The following FAM219A variants were observed in gnomAD, a reference collection of about 807,000 sequenced individuals.
The protein encoded by FAM219A is protein FAM219A.
A neutral mutation model predicts 23.4 loss-of-function variants in FAM219A; 7 were observed. The observed-to-expected ratio is 0.30, with a 90% CI of 0.17 to 0.56. The LOEUF is 0.56. Among genes scored for constraint, FAM219A ranks in the 20% least tolerant of loss-of-function variants. The pLI, the probability that FAM219A is intolerant of heterozygous loss-of-function variation, is 0.92. For synonymous variants in FAM219A, 93 were observed against 99.0 expected, an observed-to-expected ratio of 0.94 and a Z score of 0.36; for missense variants, 166 against 246.9, an observed-to-expected ratio of 0.67 and a Z score of 2.20.
At chr9:34,451,969 T>C (rs1823576659) in intron 1 of FAM219A, among the ~76,000 whole-genome samples, 1 of 152,038 alleles carries the variant, frequency 6.6e-6, no homozygotes, top group African/African-American at 2.4e-5. Flanking sequence ...CCCAGCTCAA[T>C]CAGTCAGAAA....
chr9:34,421,044 G>C (rs7043182), intron 1 of FAM219A, among the ~76,000 whole-genome samples: 512 of 146,784 alleles, frequency 3.5e-3, no homozygotes, highest in African/African-American at 7.8e-3. Flanking sequence ...GAGAGAGAGA[G>C]AATGGCTCTG....
At chr9:34,431,157 A>G (rs1182824910) in intron 1 of FAM219A, among the ~76,000 whole-genome samples, 2 of 152,206 alleles carry the variant, frequency 1.3e-5, no homozygotes, top group Non-Finnish European at 2.9e-5. Flanking sequence ...CCAGCAGCCT[A>G]GCTGCCTGGC....
chr9:34,441,981 C>T (rs1823191490), intron 1 of FAM219A, among the ~76,000 whole-genome samples: 1 of 152,156 alleles, frequency 6.6e-6, no homozygotes, highest in South Asian at 2.1e-4. Flanking sequence ...GCCTTGGCCA[C>T]CCAAAGTGCT....
At chr9:34,446,714 C>A (rs1189475783) in intron 1 of FAM219A, among the ~76,000 whole-genome samples, 3 of 152,202 alleles carry the variant, frequency 2.0e-5, no homozygotes, top group African/African-American at 7.2e-5. Context: ...TTGAAAACCT[C>A]AAAATGCTTT....
At chr9:34,427,495 T>C (rs12238063) in intron 1 of FAM219A, among the ~76,000 whole-genome samples, 3,174 of 152,320 alleles carry the variant, frequency 0.021, 92 homozygotes, top group East Asian at 0.12. Flanking sequence ...ATTTCTTTCA[T>C]GCACTTAGCA....
chr9:34,398,386 C>T lies in FAM219A; in HGVS notation c.*2578G>A. On this transcript the variant is annotated 3_prime_UTR_variant, in exon 6 of 6. Transcript: ENST00000651358. Reference sequence around the variant, plus strand: ...GCTGAGAGAGGAGGGAGTGTTAAGGCAGTATCTACAAGGGGAAGGGTGGCA... The same window carrying T: ...GCTGAGAGAGGAGGGAGTGTTAAGGTAGTATCTACAAGGGGAAGGGTGGCA... 6.5e-7 allele frequency: 1 copy of T among 1,550,028 alleles called. No individual in the cohort carries two copies. The highest frequency in any genetic ancestry group is 8.7e-7 in the Non-Finnish European group (1 of 1,146,546).
intron 1 of FAM219A, among the ~76,000 whole-genome samples, chr9:34,413,143 CA>C (rs1821883981): frequency 6.9e-6 from 1 of 145,058 alleles, no homozygotes; most frequent in Admixed American, 7.1e-5. Flanking sequence ...GTCTCCTTAA[CA>C]AAACAGAAGG....
chr9:34,438,848 G>A (rs755073973), intron 1 of FAM219A, among the ~76,000 whole-genome samples: 13 of 152,238 alleles, frequency 8.5e-5, no homozygotes, highest in Non-Finnish European at 1.9e-4. Context: ...GCCAGCAGTG[G>A]CAACCCGCTC....
chr9:34,407,812 A>C (rs1821692451), intron 1 of FAM219A, among the ~76,000 whole-genome samples: 1 of 152,222 alleles, frequency 6.6e-6, no homozygotes. Context: ...ATGGGCATGT[A>C]GAATGCTGCC....
chr9:34,435,430 G>GA (rs150739993), intron 1 of FAM219A, among the ~76,000 whole-genome samples: 2 of 151,954 alleles, frequency 1.3e-5, no homozygotes, highest in Non-Finnish European at 2.9e-5. Flanking sequence ...TCCCCAAATA[G>GA]AAAAAAATTC....
chr9:34,402,886 G>A (rs1821502216), intron 2 of FAM219A, 79 bp from the exon 3 acceptor site: 1 of 1,311,214 alleles, frequency 7.6e-7, no homozygotes, highest in South Asian at 1.3e-5. Context: ...GCCTGGGCTG[G>A]GCCTCCACTG....
chr9:34,436,507 A>G (rs1006865750), intron 1 of FAM219A, among the ~76,000 whole-genome samples: 1 of 152,178 alleles, frequency 6.6e-6, no homozygotes, highest in African/African-American at 2.4e-5. Flanking sequence ...CGGCCTCCCA[A>G]AGTGCTGGGA....
At chr9:34,423,649 C>A (rs377231814) in intron 1 of FAM219A, among the ~76,000 whole-genome samples, 2 of 152,188 alleles carry the variant, frequency 1.3e-5, no homozygotes, top group African/African-American at 4.8e-5. Flanking sequence ...GATAGACTGA[C>A]TGCTCTGGGA....
intron 1 of FAM219A, among the ~76,000 whole-genome samples, chr9:34,451,186 G>C (rs1018740276): frequency 3.9e-5 from 6 of 152,126 alleles, no homozygotes; most frequent in Non-Finnish European, 5.9e-5. Flanking sequence ...CTACTCCAGA[G>C]TCCCTCCCTG....
Position 34,457,876 on chromosome 9 carries a change from G to T in FAM219A, c.60+328C>A, listed in dbSNP as rs566098584. Reference sequence around the variant, plus strand: ...ATCCCAGACCCCTGGGCCTGCCGCCGGCGGTGCCCCATGGCAGTTCCCTCG... The same window carrying T: ...ATCCCAGACCCCTGGGCCTGCCGCCTGCGGTGCCCCATGGCAGTTCCCTCG... On this transcript the variant is annotated intron_variant, in intron 1 of 5. Coordinates refer to ENST00000651358, the MANE Select transcript of FAM219A (RefSeq NM_001184940.2). This position sits in a 1 kb window ranked among gnomAD's most constrained non-coding sequence, Gnocchi z 5.1. Among the ~76,000 whole-genome samples, 1 of 152,050 alleles carries T rather than the reference G, an allele frequency of 6.6e-6. No homozygotes were observed. The highest frequency in any genetic ancestry group is 1.5e-5 in the Non-Finnish European group (1 of 67,996).
chr9:34,419,031 C>T lies in FAM219A; in HGVS notation c.61-13067G>A, dbSNP rs147822336. Reference sequence around the variant, plus strand: ...CAGAGGTTGCAGTGAGCCAAGATTGCACCACTGCACTCCAACTTGGGTGAT... The same window carrying T: ...CAGAGGTTGCAGTGAGCCAAGATTGTACCACTGCACTCCAACTTGGGTGAT... On this transcript the variant is annotated intron_variant, in intron 1 of 5. Transcript: ENST00000651358. Among the ~76,000 whole-genome samples, 138 of 152,220 alleles carry T rather than the reference C, an allele frequency of 9.1e-4. 1 individual carries two copies. Among genetic ancestry groups the T allele is most frequent in the Admixed American group, 4.7e-3 (72 of 15,288 alleles).
At chr9:34,401,970 A>G (rs551269818) in intron 4 of FAM219A, among the ~76,000 whole-genome samples, 1 of 126,518 alleles carries the variant, frequency 7.9e-6, no homozygotes, top group African/African-American at 2.8e-5. Context: ...CCCCCTTCTC[A>G]TCTTTTTTTT....
At chr9:34,410,386 G>A (rs1452606798) in intron 1 of FAM219A, among the ~76,000 whole-genome samples, 1 of 152,172 alleles carries the variant, frequency 6.6e-6, no homozygotes, top group African/African-American at 2.4e-5. Flanking sequence ...ACCAAAGTGT[G>A]GAACCTTCAA....
chr9:34,430,481 T>C (rs1822649333), intron 1 of FAM219A, among the ~76,000 whole-genome samples: 1 of 149,566 alleles, frequency 6.7e-6, no homozygotes, highest in African/African-American at 2.5e-5. Context: ...ACTAAAAATA[T>C]GAAAAATTAG....
Sources: gnomAD v4.1 joint callset for allele counts (sites outside exome capture counted in the v4.1 genomes callset) on GRCh38, gnomAD v4.1.1 for gene constraint, Gnocchi (gnomAD v3.1) non-coding constraint, MANE v1.5 for transcripts, NCBI Gene and HGNC (gene_info 2026-07-23, HGNC 2026-07-21) for gene names.